The following FGFR4 variants were observed in gnomAD, a reference collection of about 807,000 sequenced individuals.
The protein encoded by FGFR4 is hydroxyaryl-protein kinase.
FGFR4 carries 63 observed loss-of-function variants against 89.9 expected under a neutral mutation model. That is an observed-to-expected ratio of 0.70 (90% CI 0.57 to 0.86). The LOEUF (loss-of-function observed/expected upper bound fraction) is 0.86, where lower values mean the gene tolerates loss of function less well. FGFR4 is among the 40% of genes least tolerant of loss of function. The pLI, the probability that FGFR4 is intolerant of heterozygous loss-of-function variation, is 0.00. For missense variants in FGFR4, 928 were observed against 1,106.7 expected, an observed-to-expected ratio of 0.84 and a Z score of 2.29; for synonymous variants, 486 against 479.4, an observed-to-expected ratio of 1.01 and a Z score of -0.18.
At position 177,092,654 on chromosome 5, in the gene FGFR4, C is replaced by T. The variant is rs779846040; in HGVS notation, c.927C>T (p.Asp309=). The T allele has an allele frequency of 6.2e-7, 1 of 1,606,708 alleles. No individual in the cohort carries two copies. Among genetic ancestry groups the T allele is most frequent in the Non-Finnish European group, 8.5e-7 (1 of 1,174,130 alleles). The stretch of plus-strand genomic sequence containing the variant: ...CATGTCCCCCACCCCAGACTGCAGA[C>T]ATCAATAGCTCAGAGGTGGAGGTCC... ...FPYVQVLKTA[D]INSSEVEVLY... The change falls in exon 8 of 18, where the codon GAC becomes GAT. Residue 309 remains aspartate, a synonymous_variant. Transcript: ENST00000292408.
intron 2 of FGFR4, chr5:177,089,968 G>A (rs755449526): frequency 1.7e-4 from 62 of 362,864 alleles, no homozygotes; most frequent in South Asian, 6.0e-4. Context: ...GTGTGTGTGC[G>A]TGTGTGTGTG....
rs370728224 is a variant in FGFR4, at chr5:177,093,735, G to C, written c.1479G>C (p.Arg493=). 4 of 1,613,840 alleles carry C rather than the reference G, an allele frequency of 2.5e-6. No homozygotes were observed. The highest frequency in any genetic ancestry group is 3.4e-6 in the Non-Finnish European group (4 of 1,179,972). The change falls in exon 11 of 18, where the codon CGG becomes CGC. Residue 493 remains arginine, a synonymous_variant. Coordinates refer to ENST00000292408, the MANE Select transcript of FGFR4 (RefSeq NM_213647.3). This position sits in a 1 kb window ranked among gnomAD's most constrained non-coding sequence, Gnocchi z 5.8. The part of the protein sequence containing the change: ...RAEAFGMDPA[R]PDQASTVAVK... ...AGGCCTTTGGCATGGACCCTGCCCGGCCTGACCAAGCCAGCACTGTGGCCG... is the reference window on the plus strand; with the variant it reads ...AGGCCTTTGGCATGGACCCTGCCCGCCCTGACCAAGCCAGCACTGTGGCCG...
rs1784407710 is a variant in FGFR4, at chr5:177,092,659, A to G, written c.932A>G (p.Asn311Ser). 11 of 1,608,362 alleles carry G rather than the reference A, an allele frequency of 6.8e-6. No homozygotes were observed. The highest frequency in any genetic ancestry group is 2.2e-5 in the East Asian group (1 of 44,718). The change falls in exon 8 of 18, where the codon AAT becomes AGT. Residue 311 changes from asparagine to serine, a missense_variant. Asn to Ser is a conservative substitution (Grantham distance 46). Transcript: ENST00000292408. ...YVQVLKTADI[N>S]SSEVEVLYLR... ...CCCCCACCCCAGACTGCAGACATCA[A>G]TAGCTCAGAGGTGGAGGTCCTGTAC...
At position 177,095,292 on chromosome 5, in the gene FGFR4, G is replaced by C; in HGVS notation, c.1520-38G>C. On this transcript the variant is annotated intron_variant, in intron 11 of 17. Transcript: ENST00000292408. This position sits in a 1 kb window ranked among gnomAD's most constrained non-coding sequence, Gnocchi z 5.7. ...CCTCTGCATGCTCCCTCGTGCAGTT[G>C]GAGGGCAGCCTCTTCACCCCGTCTG... 1 of 1,548,942 alleles carries C rather than the reference G, an allele frequency of 6.5e-7. No individual in the cohort carries two copies. Among genetic ancestry groups the C allele is most frequent in the Non-Finnish European group, 8.9e-7 (1 of 1,121,078 alleles).
At chr5:177,089,127 C>G (rs1239586730) in intron 1 of FGFR4, among the ~76,000 whole-genome samples, 1 of 152,202 alleles carries the variant, frequency 6.6e-6, no homozygotes, top group Non-Finnish European at 1.5e-5. Context: ...AGATGCCATC[C>G]AGATGCTGAA....
chr5:177,095,837 G>A lies in FGFR4; in HGVS notation c.1821+114G>A. On this transcript the variant is annotated intron_variant, in intron 13 of 17. Transcript: ENST00000292408. The surrounding 1 kb of genome is among the most constrained non-coding windows in gnomAD (Gnocchi z 5.7). ...TGCTCTTTTTCATGACCCCACCTCA[G>A]TGTCCCCAGGCATTCACGCTTTCCT... The A allele has an allele frequency of 1.6e-6, 2 of 1,274,924 alleles. No homozygotes were observed. The highest frequency in any genetic ancestry group is 2.1e-6 in the Non-Finnish European group (2 of 941,156). 79.0% of individuals were successfully genotyped at this position (1,274,924 alleles called of 1,614,324 possible). A position where few individuals can be genotyped will look rare whatever the true frequency, so the allele number is the denominator to read the frequency against.
intron 16 of FGFR4, 91 bp from the exon 17 acceptor site, chr5:177,097,189 TCAAACTCCCCAC>T: frequency 2.3e-6 from 2 of 878,084 alleles, no homozygotes; most frequent in African/African-American, 1.7e-5. Context: ...CTATCCCTCA[TCAAACTCCCCAC>T]CAAACTCCTC....
Position 177,093,192 on chromosome 5 carries a change from T to G in FGFR4, c.1112T>G (p.Ile371Ser), listed in dbSNP as rs375477942. 13 of 1,613,390 alleles carry G rather than the reference T, an allele frequency of 8.1e-6. No individual in the cohort carries two copies. In the African/African-American group the frequency reaches 9.3e-5, roughly 12 times the overall value. The part of the protein sequence containing the change: ...AAPEARYTDI[I>S]LYASGSLALA... ...CCCGAGGCCAGGTATACGGACATCA[T>G]CCTGTACGCGTCGGGCTCCCTGGCC... Residue 371 changes from isoleucine to serine, a missense_variant, in exon 9 of 18, where the codon ATC (isoleucine) becomes AGC (serine). By Grantham distance (142) the Ile-to-Ser change is moderately radical. Transcript: ENST00000292408. This position sits in a 1 kb window ranked among gnomAD's most constrained non-coding sequence, Gnocchi z 5.8.
At chr5:177,091,956 AGT>A (rs1784382483) in intron 6 of FGFR4, 148 bp downstream of exon 6, 15 of 1,056,738 alleles carry the variant, frequency 1.4e-5, no homozygotes, top group Admixed American at 2.3e-5. Flanking sequence ...CACAGGGGTT[AGT>A]GTGGGGCTGG....
In FGFR4 at chr5:177,090,555, T is replaced by C. The variant is rs776843338; in HGVS notation, c.257T>C (p.Leu86Pro). The C allele has an allele frequency of 6.5e-7, 1 of 1,527,634 alleles. No individual in the cohort carries two copies. Among genetic ancestry groups the C allele is most frequent in the South Asian group, 1.3e-5 (1 of 76,174 alleles). The allele number at this position is 1,527,634 out of a possible 1,614,324, so 94.6% of individuals were successfully genotyped here. A position where few individuals can be genotyped will look rare whatever the true frequency, so the allele number is the denominator to read the frequency against. The change falls in exon 3 of 18, where the codon CTA (leucine) becomes CCA (proline). Residue 86 changes from leucine to proline, a missense_variant. Physicochemically the swap from Leu to Pro is moderately conservative, Grantham distance 98 (BLOSUM62 -3). Around this residue, in one of 5 missense-constraint regions of FGFR4, gnomAD observed 741 missense variants for 836.9 expected, o/e 0.89. Transcript: ENST00000292408. ...AGRVRGWRGR[L>P]EIASFLPEDA... Reference sequence around the variant, plus strand: ...CGTGTACGGGGCTGGAGGGGCCGCCTAGAGATTGCCAGCTTCCTACCTGAG... The same window carrying C: ...CGTGTACGGGGCTGGAGGGGCCGCCCAGAGATTGCCAGCTTCCTACCTGAG...
rs1416134526 is a variant in FGFR4 at position 177,087,570 on chromosome 5, T to A, written c.-54+493T>A. ...AGGCCCTCCATTCCCACGTGGGGGG[T>A]GGTCGGTCAGCGGTCAGCAGCCATG... On this transcript the variant is annotated intron_variant, in intron 1 of 17. Coordinates refer to ENST00000292408, the MANE Select transcript of FGFR4 (RefSeq NM_213647.3). This position sits in a 1 kb window ranked among gnomAD's most constrained non-coding sequence, Gnocchi z 6.1. 1.0e-6 allele frequency: 1 copy of A among 984,554 alleles called. No individual in the cohort carries two copies. The highest frequency in any genetic ancestry group is 1.8e-5 in the African/African-American group (1 of 56,920). The allele number at this position is 984,554 out of a possible 1,614,324, so 61.0% of individuals were successfully genotyped here. A position where few individuals can be genotyped will look rare whatever the true frequency, so the allele number is the denominator to read the frequency against.
intron 1 of FGFR4, chr5:177,088,512 G>A (rs191387458): frequency 5.3e-6 from 1 of 187,390 alleles, no homozygotes. Context: ...CAAGGAGGAG[G>A]AGGTGTGATA....
At position 177,095,240 on chromosome 5, in the gene FGFR4, G is replaced by T. The variant is rs908039713; in HGVS notation, c.1520-90G>T. 1.9e-6 allele frequency: 2 copies of T among 1,067,958 alleles called. No individual in the cohort carries two copies. Among genetic ancestry groups the T allele is most frequent in the Admixed American group, 3.5e-5 (2 of 57,154 alleles). The allele number at this position is 1,067,958 out of a possible 1,614,324, so 66.2% of individuals were successfully genotyped here. ...TTCAGCCCTAGACCTACGTAGCCCT[G>T]GTCCAGTGCTGCTTGTCCTGCACCT... On this transcript the variant is annotated intron_variant, in intron 11 of 17. Coordinates refer to ENST00000292408, the MANE Select transcript of FGFR4 (RefSeq NM_213647.3). The surrounding 1 kb of genome is among the most constrained non-coding windows in gnomAD (Gnocchi z 5.7).
At position 177,090,601 on chromosome 5, in the gene FGFR4, C is replaced by A; in HGVS notation, c.303C>A (p.Cys101Ter). 4 of 1,523,068 alleles carry A rather than the reference C, an allele frequency of 2.6e-6. No individual in the cohort carries two copies. Among genetic ancestry groups the A allele is most frequent in the Non-Finnish European group, 2.6e-6 (3 of 1,137,232 alleles). The allele number at this position is 1,523,068 out of a possible 1,614,324, so 94.3% of individuals were successfully genotyped here. Residue 101 changes from cysteine to a stop codon, truncating the protein, a stop_gained, in exon 3 of 18, where the codon TGC becomes TGA. Coordinates refer to ENST00000292408, the MANE Select transcript of FGFR4 (RefSeq NM_213647.3). LOFTEE classifies it high-confidence loss of function. Reference protein sequence around the residue: ...FLPEDAGRYLCLARGSMIVLQ... With the variant: ...FLPEDAGRYL ...CTGAGGATGCTGGCCGCTACCTCTG[C>A]CTGGCACGAGGCTCCATGATCGTCC...
chr5:177,087,547 G>A lies in FGFR4; in HGVS notation c.-54+470G>A. The A allele has an allele frequency of 3.1e-6, 3 of 982,414 alleles. No individual in the cohort carries two copies. Among genetic ancestry groups the A allele is most frequent in the Non-Finnish European group, 3.6e-6 (3 of 827,216 alleles). 60.9% of individuals were successfully genotyped at this position (982,414 alleles called of 1,614,324 possible). On this transcript the variant is annotated intron_variant, in intron 1 of 17. Transcript: ENST00000292408. The surrounding 1 kb of genome is among the most constrained non-coding windows in gnomAD (Gnocchi z 6.1). ...CAGGACTGTCTGATGCCTAAGGCAG[G>A]CCCTCCATTCCCACGTGGGGGGTGG...
Position 177,097,908 on chromosome 5 carries a change from G to T in FGFR4, c.*232G>T. 1 of 475,158 alleles carries T rather than the reference G, an allele frequency of 2.1e-6. No homozygotes were observed. The highest frequency in any genetic ancestry group is 1.9e-5 in the African/African-American group (1 of 51,942). 29.4% of individuals were successfully genotyped at this position (475,158 alleles called of 1,614,324 possible). On this transcript the variant is annotated 3_prime_UTR_variant, in exon 18 of 18. Transcript: ENST00000292408. ...ACCTTGGCGCTTAGTCCCCATCCCG[G>T]GTTTGGCTGAGCCTGGCTGGAGAGC...
chr5:177,093,276 A>ACCC lies in FGFR4; in HGVS notation c.1199_1201dup (p.Pro400dup). 3 of 1,607,984 alleles carry ACCC rather than the reference A, an allele frequency of 1.9e-6. No homozygotes were observed. Among genetic ancestry groups the ACCC allele is most frequent in the Non-Finnish European group, 2.5e-6 (3 of 1,178,064 alleles). ...CGAGGGCAGGCGCTCCACGGCCGGC[A>ACCC]CCCCCGCCCGCCCGCCACTGTGCAG... On this transcript the variant is annotated inframe_insertion, in exon 9 of 18. Coordinates refer to ENST00000292408, the MANE Select transcript of FGFR4 (RefSeq NM_213647.3). This position sits in a 1 kb window ranked among gnomAD's most constrained non-coding sequence, Gnocchi z 5.8.
intron 17 of FGFR4, 42 bp downstream of exon 17, chr5:177,097,439 C>T: frequency 6.2e-7 from 1 of 1,605,362 alleles, no homozygotes; most frequent in Non-Finnish European, 8.5e-7. Context: ...GCCTGCTCCC[C>T]TCCAGGCCTC....
chr5:177,089,238 G>A lies in FGFR4; in HGVS notation c.-53-312G>A, dbSNP rs533542192. On this transcript the variant is annotated intron_variant, in intron 1 of 17. Transcript: ENST00000292408. ...TTATGTGTGCCGAGAGCATGCAGAA[G>A]ATATGTCTCCGTTCTCTGCTTCCCT... Among the ~76,000 whole-genome samples the A allele has an allele frequency of 2.7e-4, 41 of 152,236 alleles. 1 individual carries two copies. Among genetic ancestry groups the A allele is most frequent in the Non-Finnish European group, 4.7e-4 (32 of 68,046 alleles).
Sources: allele counts gnomAD v4.1 joint callset (sites outside exome capture counted in the v4.1 genomes callset), GRCh38; gene constraint gnomAD v4.1.1; regional missense constraint gnomAD v4.1.1; non-coding constraint Gnocchi (gnomAD v3.1); transcripts MANE v1.5; gene names NCBI Gene and HGNC (gene_info 2026-07-23, HGNC 2026-07-21).